Variants in PLD5 observed in about 807,000 individuals in gnomAD.
PLD5 encodes the protein phospholipase D family member 5.
PLD5 carries 36 observed loss-of-function variants against 61.1 expected under a neutral mutation model. The observed-to-expected ratio is 0.59, with a 90% CI of 0.45 to 0.78. The LOEUF is 0.78. Among genes scored for constraint, PLD5 ranks in the 30% least tolerant of loss-of-function variants. The probability of loss-of-function intolerance (pLI) is 0.00; values close to 1 mark genes in which losing one functional copy is unlikely to be tolerated. For synonymous variants in PLD5, 243 were observed against 242.8 expected (o/e 1.00, Z -0.01); for missense variants, 515 against 644.4 (o/e 0.80, Z 2.17).
chr1:242,116,822 T>C lies in PLD5; in HGVS notation c.934-2796A>G, dbSNP rs190514313. Among the ~76,000 whole-genome samples, 14 of 152,286 alleles carry C rather than the reference T, an allele frequency of 9.2e-5. No individual in the cohort carries two copies. In the East Asian group the frequency reaches 2.7e-3, roughly 29 times the overall value. ...CTTTACAGGATGAGTTTTTGATCAT[T>C]TATTTTTTTCTTTTGGAATGAGGAT... On this transcript the variant is annotated intron_variant, in intron 6 of 9. Transcript: ENST00000536534.
chr1:242,143,349 T>C (rs1271484697), intron 5 of PLD5, among the ~76,000 whole-genome samples: 1 of 152,080 alleles, frequency 6.6e-6, no homozygotes, highest in Non-Finnish European at 1.5e-5. Context: ...CACTGCACCC[T>C]GCTAGAGCTG....
At chr1:242,390,876 T>C (rs1459020580) in intron 1 of PLD5, among the ~76,000 whole-genome samples, 1 of 123,272 alleles carries the variant, frequency 8.1e-6, no homozygotes, top group Non-Finnish European at 1.7e-5. Flanking sequence ...AAGGATGAAA[T>C]TCAAGTTTTT....
At position 242,360,593 on chromosome 1, in the gene PLD5, G is replaced by A. The variant is rs2118978; in HGVS notation, c.190-12351C>T. ...TCTTGTTCTTTCCTATATTCCATCT[G>A]CCTATCTAACAACGATAAAATTGTA... On this transcript the variant is annotated intron_variant, in intron 1 of 9. Transcript: ENST00000536534. 3.5e-3 allele frequency among the ~76,000 whole-genome samples: 534 copies of A among 152,090 alleles called. 4 individuals carry two copies. The highest frequency in any genetic ancestry group is 0.012 in the African/African-American group (510 of 41,492).
At chr1:242,277,135 G>A (rs1245619530) in intron 3 of PLD5, among the ~76,000 whole-genome samples, 1 of 152,148 alleles carries the variant, frequency 6.6e-6, no homozygotes, top group African/African-American at 2.4e-5. Context: ...CATTATCTTG[G>A]TACTGCCTTT....
chr1:242,102,625 A>T (rs888470156), intron 8 of PLD5, among the ~76,000 whole-genome samples: 2 of 152,132 alleles, frequency 1.3e-5, no homozygotes, highest in African/African-American at 4.8e-5. Flanking sequence ...GAGATTCCCT[A>T]CCTAGTTCCC....
chr1:242,253,008 G>C (rs36066811), intron 4 of PLD5, among the ~76,000 whole-genome samples: 2 of 151,340 alleles, frequency 1.3e-5, no homozygotes, highest in Non-Finnish European at 2.9e-5. Flanking sequence ...GTAGAGACAC[G>C]GTTTTACCAT....
rs111465228 is a variant in PLD5 at position 242,209,190 on chromosome 1, C to A, written c.735+10798G>T. 3.3e-5 allele frequency: 5 copies of A among 152,202 alleles called. 1 individual carries two copies. Among genetic ancestry groups the A allele is most frequent in the African/African-American group, 1.2e-4 (5 of 41,522 alleles). The allele number at this position is 152,202 out of a possible 1,614,324, so 9.4% of individuals were successfully genotyped here. ...TTCTGTTTGCTTTGTCAGCACGGTA[C>A]TTTTCATTTCCTTCGTGGTGTTTTT... On this transcript the variant is annotated intron_variant, in intron 5 of 9. Coordinates refer to ENST00000536534, the MANE Select transcript of PLD5 (RefSeq NM_001372062.1).
At chr1:242,125,177 T>C (rs1175917767) in intron 5 of PLD5, among the ~76,000 whole-genome samples, 1 of 152,136 alleles carries the variant, frequency 6.6e-6, no homozygotes, top group Middle Eastern at 3.2e-3. Context: ...TTCCGTAAAA[T>C]AGAGATAATA....
chr1:242,107,619 A>G (rs1422350800), intron 8 of PLD5, 52 bp downstream of exon 8: 2 of 1,486,440 alleles, frequency 1.3e-6, no homozygotes, highest in East Asian at 4.6e-5. Context: ...TTTCACACAC[A>G]TGCAGAGGGC....
At chr1:242,452,283 A>C (rs536973987) in intron 1 of PLD5, among the ~76,000 whole-genome samples, 1 of 152,258 alleles carries the variant, frequency 6.6e-6, no homozygotes, top group East Asian at 1.9e-4. Context: ...CTGAATAATC[A>C]TCTGCCTGTT....
chr1:242,324,720 G>A (rs1043763340), intron 2 of PLD5, among the ~76,000 whole-genome samples: 2 of 152,084 alleles, frequency 1.3e-5, no homozygotes, highest in African/African-American at 4.8e-5. Flanking sequence ...TGCTCCCATA[G>A]ATAATATTAC....
At chr1:242,312,711 G>A (rs1034213776) in intron 2 of PLD5, among the ~76,000 whole-genome samples, 1 of 152,170 alleles carries the variant, frequency 6.6e-6, no homozygotes, top group Non-Finnish European at 1.5e-5. Context: ...TGCAAATATG[G>A]TCTAAATCTC....
intron 4 of PLD5, 95 bp downstream of exon 4, chr1:242,265,242 C>T: frequency 7.0e-7 from 1 of 1,438,042 alleles, no homozygotes. Flanking sequence ...GTGAAATGTA[C>T]TAACCATAAA....
At chr1:242,412,171 A>T (rs754796888) in intron 1 of PLD5, among the ~76,000 whole-genome samples, 4 of 152,132 alleles carry the variant, frequency 2.6e-5, no homozygotes, top group Admixed American at 2.0e-4. Context: ...GTCTTGAAAG[A>T]TCTGATTCCT....
chr1:242,494,879 T>TTTC (rs1558146952), intron 1 of PLD5, among the ~76,000 whole-genome samples: 1 of 50,278 alleles, frequency 2.0e-5, no homozygotes, highest in African/African-American at 8.8e-5. Flanking sequence ...TTTTCTTTTC[T>TTTC]GTTTTTTTTT....
chr1:242,494,039 C>T (rs1010847674), intron 1 of PLD5, among the ~76,000 whole-genome samples: 7 of 151,828 alleles, frequency 4.6e-5, no homozygotes, highest in African/African-American at 1.7e-4. Flanking sequence ...TTTGCCTTTG[C>T]ATTGGTATGC....
At chr1:242,308,902 T>C (rs1676530659) in intron 2 of PLD5, among the ~76,000 whole-genome samples, 1 of 152,140 alleles carries the variant, frequency 6.6e-6, no homozygotes, top group East Asian at 1.9e-4. Context: ...TGTATCCTCT[T>C]CTGCACTCGT....
chr1:242,486,925 G>A (rs1667983334), intron 1 of PLD5, among the ~76,000 whole-genome samples: 1 of 152,062 alleles, frequency 6.6e-6, no homozygotes. Context: ...CATGGATGAA[G>A]CTGGAAACCA....
intron 1 of PLD5, among the ~76,000 whole-genome samples, chr1:242,461,571 C>G (rs1667119238): frequency 6.6e-6 from 1 of 152,156 alleles, no homozygotes; most frequent in Non-Finnish European, 1.5e-5. Context: ...AATGGAAAAT[C>G]AATAGAGTGA....
Sources: gnomAD v4.1 joint callset for allele counts (sites outside exome capture counted in the v4.1 genomes callset) on GRCh38, gnomAD v4.1.1 for gene constraint, MANE v1.5 for transcripts, NCBI Gene and HGNC (gene_info 2026-07-23, HGNC 2026-07-21) for gene names.